NRXN1: variants seen among roughly 807,000 people sequenced by gnomAD.
The protein encoded by NRXN1 is neurexin 1.
In NRXN1, 39 loss-of-function variants were observed where a neutral mutation model predicts 150.9. The ratio of observed to expected loss-of-function variants is 0.26; its 90% CI spans 0.20 to 0.34. The LOEUF is 0.34. Ranked by LOEUF, NRXN1 falls within the 10% of genes least tolerant of loss-of-function variation. The pLI is 1.00. For synonymous variants in NRXN1, 924 were observed against 757.0 expected, an observed-to-expected ratio of 1.22 and a Z score of -3.62; for missense variants, 1,815 against 1,949.9, an observed-to-expected ratio of 0.93 and a Z score of 1.30.
At chr2:50,957,609 T>C (rs1468304758) in intron 2 of NRXN1, among the ~76,000 whole-genome samples, 2 of 152,160 alleles carry the variant, frequency 1.3e-5, no homozygotes, top group East Asian at 3.9e-4. Flanking sequence ...TAAATGATTC[T>C]GCGGCTTTAT....
intron 18 of NRXN1, among the ~76,000 whole-genome samples, chr2:50,140,007 C>T (rs999564060): frequency 6.6e-6 from 1 of 151,844 alleles, no homozygotes; most frequent in Non-Finnish European, 1.5e-5. Flanking sequence ...ATTAACTCTC[C>T]TAAAGCAAAT....
intron 5 of NRXN1, among the ~76,000 whole-genome samples, chr2:50,760,257 A>G (rs373668659): frequency 1.4e-3 from 209 of 152,038 alleles, no homozygotes; most frequent in African/African-American, 5.0e-3. Flanking sequence ...TTTCATCAGT[A>G]TAAGAGTCTA....
intron 5 of NRXN1, among the ~76,000 whole-genome samples, chr2:50,848,916 T>G (rs1180416596): frequency 6.6e-6 from 1 of 152,198 alleles, no homozygotes; most frequent in Non-Finnish European, 1.5e-5. Context: ...AGTTGATCCA[T>G]GAGGAACAGA....
chr2:50,878,716 G>C (rs1292964258), intron 5 of NRXN1, among the ~76,000 whole-genome samples: 1 of 151,914 alleles, frequency 6.6e-6, no homozygotes, highest in Non-Finnish European at 1.5e-5. Context: ...TGGCTGACGA[G>C]ATTGTTCCAC....
At chr2:49,953,567 C>T (rs1183522932) in intron 21 of NRXN1, among the ~76,000 whole-genome samples, 1 of 152,064 alleles carries the variant, frequency 6.6e-6, no homozygotes, top group Non-Finnish European at 1.5e-5. Flanking sequence ...ATAAATACTA[C>T]TCCAGAATTC....
intron 5 of NRXN1, among the ~76,000 whole-genome samples, chr2:50,674,378 C>A (rs531973617): frequency 6.6e-6 from 1 of 152,224 alleles, no homozygotes; most frequent in South Asian, 2.1e-4. Flanking sequence ...GAGGAAAGCA[C>A]AACCAATGAC....
chr2:50,627,566 G>A (rs1651192943), intron 5 of NRXN1, among the ~76,000 whole-genome samples: 1 of 150,138 alleles, frequency 6.7e-6, no homozygotes, highest in African/African-American at 2.4e-5. Flanking sequence ...TCTACATGAT[G>A]AAGGATTTAA....
chr2:50,965,561 T>C (rs1412791216), intron 2 of NRXN1, among the ~76,000 whole-genome samples: 1 of 151,594 alleles, frequency 6.6e-6, no homozygotes, highest in Non-Finnish European at 1.5e-5. Context: ...AATAATTATC[T>C]AATGGCCCAG....
intron 5 of NRXN1, among the ~76,000 whole-genome samples, chr2:50,672,778 A>AT (rs1446147474): frequency 6.6e-6 from 1 of 152,052 alleles, no homozygotes; most frequent in Non-Finnish European, 1.5e-5. Flanking sequence ...TATTAAATAT[A>AT]TTTTAAATGG....
At chr2:50,216,968 G>A (rs2152851654) in intron 18 of NRXN1, among the ~76,000 whole-genome samples, 1 of 152,168 alleles carries the variant, frequency 6.6e-6, no homozygotes, top group Non-Finnish European at 1.5e-5. Context: ...TGTTTTGTCA[G>A]CCTCCACAGA....
intron 17 of NRXN1, among the ~76,000 whole-genome samples, chr2:50,302,022 G>C (rs763791989): frequency 6.6e-6 from 1 of 151,964 alleles, no homozygotes; most frequent in African/African-American, 2.4e-5. Context: ...TGGAAAAAGG[G>C]GAATACTGAC....
At chr2:50,954,245 T>C (rs891382752) in intron 2 of NRXN1, among the ~76,000 whole-genome samples, 1 of 152,232 alleles carries the variant, frequency 6.6e-6, no homozygotes, top group African/African-American at 2.4e-5. Flanking sequence ...TCAAACAGTA[T>C]GATATTACAT....
chr2:50,122,708 T>C (rs1704035685), intron 18 of NRXN1, among the ~76,000 whole-genome samples: 1 of 152,228 alleles, frequency 6.6e-6, no homozygotes, highest in South Asian at 2.1e-4. Context: ...CACATGTTCC[T>C]TGAGAAATCT....
At chr2:50,028,841 G>A (rs1012699327) in intron 21 of NRXN1, among the ~76,000 whole-genome samples, 1 of 152,140 alleles carries the variant, frequency 6.6e-6, no homozygotes, top group African/African-American at 2.4e-5. Flanking sequence ...AGGTAAGATG[G>A]GATTGATAAA....
chr2:50,068,661 G>A (rs1323130791), intron 19 of NRXN1, among the ~76,000 whole-genome samples: 2 of 152,166 alleles, frequency 1.3e-5, no homozygotes, highest in African/African-American at 2.4e-5. Flanking sequence ...CTGGCACATG[G>A]TAAGCACTCA....
intron 8 of NRXN1, among the ~76,000 whole-genome samples, chr2:50,582,497 A>AAAAC (rs1672429503): frequency 6.6e-6 from 1 of 150,940 alleles, no homozygotes; most frequent in Non-Finnish European, 1.5e-5. Flanking sequence ...AAAAAAAAAA[A>AAAAC]AAAAAAATTA....
intron 18 of NRXN1, among the ~76,000 whole-genome samples, chr2:50,147,876 T>A (rs570635021): frequency 2.2e-4 from 34 of 151,762 alleles, no homozygotes; most frequent in Non-Finnish European, 3.8e-4. Context: ...TGCTGAAGCC[T>A]GTTGCATGTA....
intron 5 of NRXN1, among the ~76,000 whole-genome samples, chr2:50,894,249 T>TAAATAAAC (rs1194709897): frequency 7.0e-6 from 1 of 142,682 alleles, no homozygotes; most frequent in African/African-American, 2.6e-5. Context: ...TAATAATAAA[T>TAAATAAAC]AAATAAATAA....
At chr2:50,757,332 C>T (rs1361177791) in intron 5 of NRXN1, among the ~76,000 whole-genome samples, 1 of 151,588 alleles carries the variant, frequency 6.6e-6, no homozygotes, top group Non-Finnish European at 1.5e-5. Context: ...GTGTAGGAAA[C>T]AAAGAGTGCA....
Sources: allele counts gnomAD v4.1 joint callset (sites outside exome capture counted in the v4.1 genomes callset), GRCh38; gene constraint gnomAD v4.1.1; transcripts MANE v1.5; gene names NCBI Gene and HGNC (gene_info 2026-07-23, HGNC 2026-07-21).